ANKFN1: variants seen among roughly 807,000 people sequenced by gnomAD.
ANKFN1 encodes the protein ankyrin repeat and fibronectin type-III domain-containing protein 1.
Under a neutral mutation model 108.7 loss-of-function variants are expected in ANKFN1, and 74 were observed. That is an observed-to-expected ratio of 0.68 (90% confidence interval 0.56 to 0.83). ANKFN1 has a LOEUF of 0.83. Ranked by LOEUF, ANKFN1 falls within the 40% of genes least tolerant of loss-of-function variation. The pLI, the probability that ANKFN1 is intolerant of heterozygous loss-of-function variation, is 0.00. For synonymous variants in ANKFN1, 547 were observed against 516.2 expected (o/e 1.06, Z -0.81); for missense variants, 1,505 against 1,382.3 (o/e 1.09, Z -1.41).
chr17:56,464,469 G>T (rs1013517648), intron 14 of ANKFN1, among the ~76,000 whole-genome samples: 8 of 152,134 alleles, frequency 5.3e-5, no homozygotes, highest in Admixed American at 5.2e-4. Flanking sequence ...AATTCATAAC[G>T]TGAACTCATA....
At chr17:56,419,467 G>T (rs931977108) in intron 8 of ANKFN1, among the ~76,000 whole-genome samples, 76 of 147,052 alleles carry the variant, frequency 5.2e-4, no homozygotes, top group African/African-American at 1.8e-3. Flanking sequence ...TGGGCAACAA[G>T]AGTGAAACTC....
At chr17:56,113,395 A>G (rs1317739786) in intron 4 of ANKFN1, among the ~76,000 whole-genome samples, 2 of 152,250 alleles carry the variant, frequency 1.3e-5, no homozygotes, top group Non-Finnish European at 2.9e-5. Context: ...CCCCAGGCTG[A>G]CTTCTTTAAT....
At chr17:56,335,327 G>A (rs577478328) in intron 4 of ANKFN1, among the ~76,000 whole-genome samples, 3 of 152,074 alleles carry the variant, frequency 2.0e-5, no homozygotes, top group African/African-American at 7.2e-5. Context: ...CCATTTTCAC[G>A]ATATTGATTC....
intron 3 of ANKFN1, among the ~76,000 whole-genome samples, chr17:56,273,466 A>G (rs1326121371): frequency 1.3e-5 from 2 of 152,148 alleles, no homozygotes; most frequent in Non-Finnish European, 2.9e-5. Flanking sequence ...TGAATTTCTA[A>G]GTTAAAAACA....
intron 4 of ANKFN1, among the ~76,000 whole-genome samples, chr17:56,071,069 C>A (rs1905116138): frequency 6.6e-6 from 1 of 152,100 alleles, no homozygotes; most frequent in Non-Finnish European, 1.5e-5. Context: ...CTTGATCCTT[C>A]CCTTCATCCT....
chr17:56,143,247 G>GT (rs1334619635), intron 4 of ANKFN1, among the ~76,000 whole-genome samples: 6 of 152,158 alleles, frequency 3.9e-5, no homozygotes, highest in African/African-American at 1.4e-4. Flanking sequence ...TTCTTGTCAG[G>GT]TATCAAAGGC....
At chr17:56,090,192 G>A (rs1350719128) in intron 4 of ANKFN1, among the ~76,000 whole-genome samples, 1 of 151,198 alleles carries the variant, frequency 6.6e-6, no homozygotes, top group Non-Finnish European at 1.5e-5. Flanking sequence ...AGTGAAATGG[G>A]GCGCTGTATA....
At chr17:56,115,878 C>T (rs945299529) in intron 4 of ANKFN1, among the ~76,000 whole-genome samples, 16 of 152,156 alleles carry the variant, frequency 1.1e-4, no homozygotes, top group East Asian at 3.9e-4. Context: ...TACAGGGGAA[C>T]GGCCAGGCAG....
At chr17:56,078,598 T>C (rs1488405508) in intron 4 of ANKFN1, among the ~76,000 whole-genome samples, 1 of 152,350 alleles carries the variant, frequency 6.6e-6, no homozygotes, top group Non-Finnish European at 1.5e-5. Context: ...TCCACTATAC[T>C]GAATGCAGAA....
chr17:56,442,952 C>G lies in ANKFN1; in HGVS notation c.1099+19C>G. On this transcript the variant is annotated intron_variant, in intron 10 of 20. Transcript: ENST00000682825. ...CCTTCTAGTAGGTGGTGGCTGTGAA[C>G]TCTCTCCAGCATGGTAACAGACTCC... 6.2e-7 allele frequency: 1 copy of G among 1,611,540 alleles called. No individual in the cohort carries two copies. The highest frequency in any genetic ancestry group is 8.5e-7 in the Non-Finnish European group (1 of 1,178,016).
intron 1 of ANKFN1, among the ~76,000 whole-genome samples, chr17:56,208,102 C>T (rs370994497): frequency 4.7e-4 from 71 of 152,298 alleles, no homozygotes; most frequent in Middle Eastern, 3.4e-3. Flanking sequence ...CTCCACCTCC[C>T]GGGCTCAAGC....
At chr17:56,056,886 A>T (rs970424568) in intron 4 of ANKFN1, among the ~76,000 whole-genome samples, 2 of 152,212 alleles carry the variant, frequency 1.3e-5, no homozygotes, top group Non-Finnish European at 2.9e-5. Flanking sequence ...TCTTTCGCAA[A>T]ATATTTCTCT....
At chr17:56,273,983 TG>T (rs2043853866) in intron 3 of ANKFN1, among the ~76,000 whole-genome samples, 1 of 152,202 alleles carries the variant, frequency 6.6e-6, no homozygotes, top group Non-Finnish European at 1.5e-5. Context: ...TTCTCATCAA[TG>T]ACAGGTTCCC....
At chr17:56,384,822 A>G (rs1167425867) in intron 8 of ANKFN1, among the ~76,000 whole-genome samples, 1 of 152,140 alleles carries the variant, frequency 6.6e-6, no homozygotes, top group Admixed American at 6.5e-5. Flanking sequence ...ATAAAAGAGG[A>G]TACAAAGAAA....
intron 20 of ANKFN1, among the ~76,000 whole-genome samples, chr17:56,505,301 C>T (rs2051516649): frequency 6.6e-6 from 1 of 152,104 alleles, no homozygotes; most frequent in South Asian, 2.1e-4. Context: ...TCGTTATGCT[C>T]CCAGATTTCA....
At chr17:56,356,242 A>G (rs2046374384) in intron 6 of ANKFN1, among the ~76,000 whole-genome samples, 1 of 152,144 alleles carries the variant, frequency 6.6e-6, no homozygotes, top group Admixed American at 6.5e-5. Flanking sequence ...CCTCACAGCA[A>G]CATTATGAAG....
chr17:56,053,876 T>A (rs1235930312), intron 4 of ANKFN1, among the ~76,000 whole-genome samples: 1 of 152,248 alleles, frequency 6.6e-6, no homozygotes, highest in Middle Eastern at 3.4e-3. Flanking sequence ...TTTAAAAAAA[T>A]TATTTCAATC....
intron 8 of ANKFN1, among the ~76,000 whole-genome samples, chr17:56,401,323 G>A (rs558618141): frequency 3.5e-5 from 5 of 141,158 alleles, no homozygotes; most frequent in East Asian, 2.0e-4. Flanking sequence ...GGTACATTCC[G>A]AAGTATTGTA....
At chr17:56,228,084 C>A in intron 3 of ANKFN1, 127 bp downstream of exon 3, 1 of 731,862 alleles carries the variant, frequency 1.4e-6, no homozygotes, top group Non-Finnish European at 2.2e-6. Flanking sequence ...CACAGCCAAT[C>A]TAACATTTCA....
Sources: allele counts gnomAD v4.1 joint callset (sites outside exome capture counted in the v4.1 genomes callset), GRCh38; gene constraint gnomAD v4.1.1; transcripts MANE v1.5; gene names NCBI Gene and HGNC (gene_info 2026-07-23, HGNC 2026-07-21).